The following DHX36 variants were observed in gnomAD, a reference collection of about 807,000 sequenced individuals.
DHX36 encodes DEAH-box helicase 36, also known as ATP-dependent DNA/RNA helicase DHX36.
DHX36 carries 50 observed loss-of-function variants against 139.0 expected under a neutral mutation model. The ratio of observed to expected loss-of-function variants is 0.36; its 90% confidence interval spans 0.29 to 0.46. DHX36 has a LOEUF of 0.46. DHX36 is among the 20% of genes least tolerant of loss of function. DHX36 has a pLI of 1.00. For missense variants in DHX36, 1,024 were observed against 1,211.3 expected (o/e 0.85, Z 2.29); for synonymous variants, 425 against 401.9 (o/e 1.06, Z -0.69).
chr3:154,310,832 T>A (rs866921220), intron 4 of DHX36, among the ~76,000 whole-genome samples: 1,984 of 52,576 alleles, frequency 0.038, 99 homozygotes, highest in East Asian at 0.046. Context: ...TATATATATA[T>A]ATATATATAT....
intron 5 of DHX36, among the ~76,000 whole-genome samples, chr3:154,308,093 G>A (rs1160387096): frequency 2.6e-5 from 4 of 152,168 alleles, no homozygotes. Flanking sequence ...GAGGACAGAT[G>A]ATGAGAAATT....
At chr3:154,281,884 A>G (rs1719345481) in intron 20 of DHX36, among the ~76,000 whole-genome samples, 1 of 26,198 alleles carries the variant, frequency 3.8e-5, no homozygotes, top group South Asian at 2.1e-3. Flanking sequence ...CTTCTAATGT[A>G]TATACACCAG....
chr3:154,308,278 CA>C (rs1467709921), intron 5 of DHX36, among the ~76,000 whole-genome samples: 1 of 152,088 alleles, frequency 6.6e-6, no homozygotes, highest in Non-Finnish European at 1.5e-5. Context: ...TCTTAGAAAC[CA>C]AAGCTTAAAA....
chr3:154,313,718 C>A (rs1712857497), intron 3 of DHX36, among the ~76,000 whole-genome samples: 1 of 152,004 alleles, frequency 6.6e-6, no homozygotes, highest in African/African-American at 2.4e-5. Flanking sequence ...ATATATAGCA[C>A]AGTAACTGGC....
Position 154,284,995 on chromosome 3 carries a change from G to A in DHX36, c.2032-8C>T, listed in dbSNP as rs1434939862. 2.5e-6 allele frequency: 4 copies of A among 1,613,734 alleles called. No homozygotes were observed. Among genetic ancestry groups the A allele is most frequent in the African/African-American group, 1.3e-5 (1 of 74,898 alleles). ...TTGTTTATCCAAAGCGTTCTGTAAA[G>A]GAAGAGTGTGTGTTTAAAATAGATC... is the stretch of plus-strand genomic sequence containing the variant. On this transcript the variant is annotated splice_polypyrimidine_tract_variant and splice_region_variant and intron_variant, in intron 17 of 24. Coordinates refer to ENST00000496811, the MANE Select transcript of DHX36 (RefSeq NM_020865.3).
intron 1 of DHX36, among the ~76,000 whole-genome samples, chr3:154,323,017 T>G (rs1042536944): frequency 3.3e-5 from 5 of 151,874 alleles, no homozygotes; most frequent in African/African-American, 1.2e-4. Context: ...TTAAAAGAAA[T>G]AAAAAGAAAT....
At chr3:154,324,072 C>T in intron 1 of DHX36, 102 bp downstream of exon 1, 2 of 1,299,488 alleles carry the variant, frequency 1.5e-6, no homozygotes, top group East Asian at 2.4e-5. Context: ...TTTCACAAAA[C>T]ACGTGCATCA....
At position 154,275,050 on chromosome 3, in the gene DHX36, T is replaced by G. The variant is rs1251971401; in HGVS notation, c.*1121A>C. 6.6e-6 allele frequency: 1 copy of G among 152,226 alleles called. No homozygotes were observed. The highest frequency in any genetic ancestry group is 2.4e-5 in the African/African-American group (1 of 41,458). The allele number at this position is 152,226 out of a possible 1,614,324, so 9.4% of individuals were successfully genotyped here. On this transcript the variant is annotated 3_prime_UTR_variant, in exon 25 of 25. Transcript: ENST00000496811. ...ACTAAGATTCAGAGAGTACAGGCACTAGCCTATGTGCTTTACATGTATTAA... is the reference window on the plus strand; with the variant it reads ...ACTAAGATTCAGAGAGTACAGGCACGAGCCTATGTGCTTTACATGTATTAA...
chr3:154,284,493 T>C lies in DHX36; in HGVS notation c.2292+90A>G, dbSNP rs111375329. 467 of 1,205,090 alleles carry C rather than the reference T, an allele frequency of 3.9e-4. 4 individuals carry two copies. In the African/African-American group the frequency reaches 6.2e-3, roughly 16 times the overall value. The allele number at this position is 1,205,090 out of a possible 1,614,324, so 74.6% of individuals were successfully genotyped here. A position where few individuals can be genotyped will look rare whatever the true frequency, so the allele number is the denominator to read the frequency against. On this transcript the variant is annotated intron_variant, in intron 19 of 24. Transcript: ENST00000496811. ...ACCGCGCCCGGCCTTATAACAGAGA[T>C]TTCAAAAGGTTAAATATGATCCTTA...
At chr3:154,299,767 G>GA in intron 12 of DHX36, 71 bp downstream of exon 12, 1 of 1,175,984 alleles carries the variant, frequency 8.5e-7, no homozygotes, top group Non-Finnish European at 1.3e-6. Context: ...TTGAATAAAA[G>GA]AAAAAAATAC....
In DHX36 at chr3:154,317,126, T is replaced by C. The variant is rs72996669; in HGVS notation, c.244-963A>G. Among the ~76,000 whole-genome samples the C allele has an allele frequency of 5.6e-3, 851 of 152,094 alleles. 12 individuals are homozygous for C. Among genetic ancestry groups the C allele is most frequent in the African/African-American group, 0.02 (812 of 41,542 alleles). ...GGGAGAGACAAAAAGGAAGAAAGAATCAAAGAACTGTTTTCAAATTCAAGG... is the reference window on the plus strand; with the variant it reads ...GGGAGAGACAAAAAGGAAGAAAGAACCAAAGAACTGTTTTCAAATTCAAGG... On this transcript the variant is annotated intron_variant, in intron 1 of 24. Transcript: ENST00000496811.
intron 13 of DHX36, 26 bp downstream of exon 13, chr3:154,295,258 T>G (rs1195533001): frequency 2.3e-5 from 34 of 1,452,542 alleles, no homozygotes; most frequent in Non-Finnish European, 3.1e-5. Context: ...TGAAATACAT[T>G]TAACAAATGT....
chr3:154,300,993 C>T lies in DHX36; in HGVS notation c.1352G>A (p.Arg451Gln), dbSNP rs774980712. Reference sequence around the variant, plus strand: ...TCAGACAAAATAAACTTACCTTCTTCGCAGTTCCCTTACATAATCTGGCCA... The same window carrying T: ...TCAGACAAAATAAACTTACCTTCTTTGCAGTTCCCTTACATAATCTGGCCA... ...ERWPDYVREL[R>Q]RRYSASTVDV... The change falls in exon 10 of 25, where the codon CGA (arginine) becomes CAA (glutamine). Residue 451 changes from arginine to glutamine, a missense_variant. Physicochemically the swap from Arg to Gln is conservative, Grantham distance 43. Around this residue, in one of 4 missense-constraint regions of DHX36, gnomAD observed 115 missense variants for 105.6 expected, o/e 1.09. Coordinates refer to ENST00000496811, the MANE Select transcript of DHX36 (RefSeq NM_020865.3). The T allele has an allele frequency of 1.8e-5, 29 of 1,609,870 alleles. No individual in the cohort carries two copies. The highest frequency in any genetic ancestry group is 3.4e-5 in the Admixed American group (2 of 59,068).
intron 22 of DHX36, 141 bp downstream of exon 22, chr3:154,280,435 CCTT>C (rs1173436141): frequency 1.6e-6 from 1 of 627,038 alleles, no homozygotes; most frequent in East Asian, 2.8e-5. Flanking sequence ...AAACAGTTCA[CCTT>C]CTCTGAAATG....
intron 23 of DHX36, 96 bp downstream of exon 23, chr3:154,277,499 CAAA>C: frequency 8.6e-7 from 1 of 1,162,976 alleles, no homozygotes; most frequent in Middle Eastern, 3.1e-4. Context: ...TAAGACACAA[CAAA>C]AAAAAAATTT....
chr3:154,288,359 C>CA (rs1041682928), intron 17 of DHX36, among the ~76,000 whole-genome samples: 84 of 142,458 alleles, frequency 5.9e-4, no homozygotes, highest in Middle Eastern at 3.8e-3. Context: ...TAAAAACCAT[C>CA]AAAAAAAAAA....
At chr3:154,320,848 C>A (rs916537238) in intron 1 of DHX36, among the ~76,000 whole-genome samples, 5 of 152,204 alleles carry the variant, frequency 3.3e-5, no homozygotes, top group Admixed American at 1.3e-4. Flanking sequence ...ACTGGTCCCC[C>A]TGAACCAGGA....
At chr3:154,323,946 G>T (rs957002649) in intron 1 of DHX36, among the ~76,000 whole-genome samples, 1 of 152,196 alleles carries the variant, frequency 6.6e-6, no homozygotes, top group Non-Finnish European at 1.5e-5. Context: ...TTTAAGCAAA[G>T]TATATATTCA....
Position 154,304,871 on chromosome 3 carries a change from C to G in DHX36, c.1070G>C (p.Arg357Pro). The G allele has an allele frequency of 6.2e-7, 1 of 1,608,882 alleles. No homozygotes were observed. Among genetic ancestry groups the G allele is most frequent in the Non-Finnish European group, 8.5e-7 (1 of 1,178,580 alleles). ...CATCAATATTACTTTCAAGTCAGAT[C>G]GAAAATTGAGAAGGTCTTTAACAAC... ...MTVVKDLLNF[R>P]SDLKVILMSA... The change falls in exon 8 of 25, where the codon CGA becomes CCA. Residue 357 changes from arginine (R) to proline (P), a missense_variant. Arg to Pro is a moderately radical substitution (Grantham distance 103). Coordinates refer to ENST00000496811, the MANE Select transcript of DHX36 (RefSeq NM_020865.3).
Sources: gnomAD v4.1 joint callset for allele counts (sites outside exome capture counted in the v4.1 genomes callset) on GRCh38, gnomAD v4.1.1 for gene constraint, gnomAD v4.1.1 regional missense constraint, MANE v1.5 for transcripts, NCBI Gene and HGNC (gene_info 2026-07-23, HGNC 2026-07-21) for gene names.